Variants in TTC23 observed in about 807,000 individuals in gnomAD.
TTC23 encodes tetratricopeptide repeat domain 23.
TTC23 carries 58 observed loss-of-function variants against 55.1 expected under a neutral mutation model. The observed-to-expected ratio is 1.05, with a 90% CI of 0.85 to 1.31. The LOEUF is 1.31. Among genes scored for constraint, TTC23 ranks in the 50% most tolerant of loss-of-function variants. The pLI is 0.00. For synonymous variants in TTC23, 203 were observed against 199.9 expected, an observed-to-expected ratio of 1.02 and a Z score of -0.13; for missense variants, 516 against 534.4, an observed-to-expected ratio of 0.97 and a Z score of 0.34.
At chr15:99,215,863 A>C (rs2077440609) in intron 8 of TTC23, among the ~76,000 whole-genome samples, 2 of 152,222 alleles carry the variant, frequency 1.3e-5, no homozygotes, top group African/African-American at 4.8e-5. Flanking sequence ...GAAAGCAAGT[A>C]AGGAAAAAGA....
chr15:99,183,038 A>G (rs1016190094), intron 9 of TTC23, among the ~76,000 whole-genome samples: 6 of 152,236 alleles, frequency 3.9e-5, no homozygotes, highest in African/African-American at 7.2e-5. Context: ...CAGAGGTTGG[A>G]AAAGTTTGGA....
intron 8 of TTC23, among the ~76,000 whole-genome samples, chr15:99,216,454 T>C (rs2077480438): frequency 6.6e-6 from 1 of 152,014 alleles, no homozygotes; most frequent in Admixed American, 6.6e-5. Flanking sequence ...ACAAAATTAA[T>C]AAGCGGGCAA....
intron 2 of TTC23, among the ~76,000 whole-genome samples, chr15:99,242,429 AAAC>A (rs2079893063): frequency 6.6e-6 from 1 of 152,188 alleles, no homozygotes; most frequent in Admixed American, 6.5e-5. Flanking sequence ...ATTAAAGAAG[AAAC>A]AACATGAGTA....
chr15:99,206,410 T>C (rs1222978564), intron 8 of TTC23, among the ~76,000 whole-genome samples: 1 of 152,158 alleles, frequency 6.6e-6, no homozygotes. Flanking sequence ...AAATGTGTGG[T>C]AGAATTTAGT....
At chr15:99,250,150 T>G (rs550074311), upstream of TTC23, among the ~76,000 whole-genome samples, 5 of 152,342 alleles carry the variant, frequency 3.3e-5, no homozygotes, top group South Asian at 1.0e-3. Flanking sequence ...ATCTTTGTTT[T>G]TACACAAAAT....
chr15:99,203,322 T>A (rs80138194), intron 8 of TTC23, among the ~76,000 whole-genome samples: 10,477 of 152,072 alleles, frequency 0.069, 410 homozygotes, highest in Admixed American at 0.095. Context: ...CAAATTTTTT[T>A]AAAAAAATTT....
At chr15:99,167,360 T>G (rs1186959104) in intron 10 of TTC23, among the ~76,000 whole-genome samples, 4 of 152,258 alleles carry the variant, frequency 2.6e-5, no homozygotes, top group Non-Finnish European at 5.9e-5. Flanking sequence ...GCCGAAGGCC[T>G]GGGCAGAAGC....
chr15:99,202,881 A>G (rs572436472), intron 8 of TTC23, among the ~76,000 whole-genome samples: 11 of 152,324 alleles, frequency 7.2e-5, no homozygotes, highest in African/African-American at 2.6e-4. Flanking sequence ...ATCTGAACAC[A>G]CTGGTTGTTG....
At chr15:99,234,791 T>C (rs923473813) in intron 4 of TTC23, among the ~76,000 whole-genome samples, 197 bp downstream of exon 4, 1 of 152,130 alleles carries the variant, frequency 6.6e-6, no homozygotes, top group African/African-American at 2.4e-5. Context: ...AAAACCACAA[T>C]GAGACGTCAC....
intron 10 of TTC23, among the ~76,000 whole-genome samples, chr15:99,163,579 A>C (rs568815263): frequency 5.7e-4 from 87 of 152,246 alleles, no homozygotes; most frequent in Non-Finnish European, 1.1e-3. Context: ...CAGGAAATAA[A>C]ATGAATACAG....
At chr15:99,144,045 G>A (rs998144678) in intron 12 of TTC23, among the ~76,000 whole-genome samples, 1 of 152,172 alleles carries the variant, frequency 6.6e-6, no homozygotes, top group Admixed American at 6.5e-5. Flanking sequence ...CGAAATTCCA[G>A]TCCAGCCTTC....
chr15:99,227,917 G>C (rs149741589), intron 5 of TTC23, among the ~76,000 whole-genome samples: 1 of 152,072 alleles, frequency 6.6e-6, no homozygotes, highest in Non-Finnish European at 1.5e-5. Flanking sequence ...CCACCCCTTC[G>C]TGTTTTGCAT....
At chr15:99,174,601 C>A (rs567661266) in intron 10 of TTC23, among the ~76,000 whole-genome samples, 2 of 152,310 alleles carry the variant, frequency 1.3e-5, no homozygotes, top group East Asian at 1.9e-4. Context: ...TAAGAAAAAG[C>A]CATAAATGGC....
chr15:99,250,203 C>T (rs1183852137), upstream of TTC23, among the ~76,000 whole-genome samples: 6 of 152,086 alleles, frequency 3.9e-5, no homozygotes, highest in Admixed American at 3.9e-4. Flanking sequence ...TTTCTGAGTG[C>T]CACGAATTCT....
At chr15:99,139,665 T>TAA in intron 12 of TTC23, 1 of 1,425,062 alleles carries the variant, frequency 7.0e-7, no homozygotes, top group Non-Finnish European at 9.3e-7. Flanking sequence ...GTAGTATTTT[T>TAA]AAAAATAAAG....
intron 9 of TTC23, among the ~76,000 whole-genome samples, chr15:99,186,536 C>G (rs183125444): frequency 8.8e-4 from 134 of 152,104 alleles, no homozygotes; most frequent in African/African-American, 3.0e-3. Context: ...AGGGCCACAG[C>G]AAAGGTTGGA....
chr15:99,175,657 C>T (rs1333478342), intron 9 of TTC23, among the ~76,000 whole-genome samples: 1 of 152,230 alleles, frequency 6.6e-6, no homozygotes, highest in Non-Finnish European at 1.5e-5. Flanking sequence ...AGGGGAGCTG[C>T]CCAAGCACAG....
chr15:99,212,882 G>A (rs2077153188), intron 8 of TTC23, among the ~76,000 whole-genome samples: 1 of 151,862 alleles, frequency 6.6e-6, no homozygotes, highest in African/African-American at 2.4e-5. Context: ...CTAGTCAAGA[G>A]GCTGAGAGGG....
chr15:99,219,134 A>G (rs537241645), intron 6 of TTC23, 86 bp from the exon 7 acceptor site: 1 of 1,474,556 alleles, frequency 6.8e-7, no homozygotes, highest in South Asian at 1.3e-5. Flanking sequence ...GAATCTAACA[A>G]GGTCTCCTTC....
Sources: allele counts gnomAD v4.1 joint callset (sites outside exome capture counted in the v4.1 genomes callset), GRCh38; gene constraint gnomAD v4.1.1; transcripts MANE v1.5; gene names NCBI Gene and HGNC (gene_info 2026-07-23, HGNC 2026-07-21).